The following ACSM3 variants were observed in gnomAD, a reference collection of about 807,000 sequenced individuals.
ACSM3 encodes the protein acyl-CoA synthetase medium chain family member 3.
Under a neutral mutation model 74.1 loss-of-function variants are expected in ACSM3, and 61 were observed. The observed-to-expected ratio is 0.82, with a 90% CI of 0.67 to 1.02. The LOEUF (loss-of-function observed/expected upper bound fraction) is 1.02, where lower values mean the gene tolerates loss of function less well. Among genes scored for constraint, ACSM3 ranks in the 50% least tolerant of loss-of-function variants. The pLI, the probability that ACSM3 is intolerant of heterozygous loss-of-function variation, is 0.00. For synonymous variants in ACSM3, 213 were observed against 241.5 expected, an observed-to-expected ratio of 0.88 and a Z score of 1.09; for missense variants, 660 against 697.0, an observed-to-expected ratio of 0.95 and a Z score of 0.60.
Position 20,786,095 on chromosome 16 carries a change from T to C in ACSM3, c.1161T>C (p.Asn387=), listed in dbSNP as rs2080468914. The change falls in exon 9 of 14, where the codon AAT becomes AAC. Residue 387 remains asparagine, a synonymous_variant. Coordinates refer to ENST00000289416, the MANE Select transcript of ACSM3 (RefSeq NM_005622.4). ...GQTETVLICG[N]FKGMKIKPGS... ...TTAACTAGGTGCTAATCTGTGGAAA[T>C]TTTAAGGGAATGAAAATTAAACCTG... 1.3e-6 allele frequency: 2 copies of C among 1,596,552 alleles called. No homozygotes were observed.
chr16:20,680,948 G>A (rs971095970), intron 1 of ACSM3: 1 of 152,156 alleles, frequency 6.6e-6, no homozygotes, highest in Non-Finnish European at 1.5e-5. Context: ...AACTCTTATG[G>A]TATCCAGTTG....
intron 1 of ACSM3, among the ~76,000 whole-genome samples, chr16:20,741,267 T>C (rs2079917613): frequency 2.0e-5 from 3 of 152,070 alleles, no homozygotes; most frequent in Admixed American, 2.0e-4. Flanking sequence ...ATAAAAGTAA[T>C]GGGAGCTACC....
At chr16:20,719,820 T>C (rs952424770) in intron 1 of ACSM3, among the ~76,000 whole-genome samples, 21 of 152,182 alleles carry the variant, frequency 1.4e-4, no homozygotes, top group African/African-American at 5.1e-4. Context: ...CTCTTACTCT[T>C]CCCCAAGTTG....
At chr16:20,714,206 G>A (rs894565097) in intron 1 of ACSM3, among the ~76,000 whole-genome samples, 31 of 122,334 alleles carry the variant, frequency 2.5e-4, no homozygotes, top group Non-Finnish European at 1.9e-5. Flanking sequence ...AAGATATGGA[G>A]GCAAAAAAAA....
At chr16:20,781,403 T>C (rs1011847462) in intron 6 of ACSM3, among the ~76,000 whole-genome samples, 1 of 152,068 alleles carries the variant, frequency 6.6e-6, no homozygotes, top group Non-Finnish European at 1.5e-5. Flanking sequence ...AAATAAAAAA[T>C]ACCATGTAAC....
intron 1 of ACSM3, among the ~76,000 whole-genome samples, chr16:20,733,506 T>A (rs1032054558): frequency 1.3e-5 from 2 of 152,062 alleles, no homozygotes; most frequent in African/African-American, 4.8e-5. Flanking sequence ...GATTTAGAAG[T>A]ATTAATTATT....
chr16:20,737,663 T>C, intron 1 of ACSM3: 1 of 1,552,956 alleles, frequency 6.4e-7, no homozygotes, highest in Non-Finnish European at 8.7e-7. Flanking sequence ...AAAAAACAAG[T>C]ATTTACCATT....
In ACSM3 at chr16:20,792,296, G is replaced by A. The variant is rs2080619675; in HGVS notation, c.1515G>A (p.Glu505=). ...TGAATGAACACCCTTCAGTTGCAGAGTCAGCTGTTGTCAGCAGCCCAGACC... is the reference window on the plus strand; with the variant it reads ...TGAATGAACACCCTTCAGTTGCAGAATCAGCTGTTGTCAGCAGCCCAGACC... The part of the protein sequence containing the change: ...NALNEHPSVA[E]SAVVSSPDPI... Residue 505 remains glutamate, a synonymous_variant, in exon 12 of 14, where the codon GAG becomes GAA. Transcript: ENST00000289416. 1.2e-6 allele frequency: 2 copies of A among 1,613,978 alleles called. No homozygotes were observed. The highest frequency in any genetic ancestry group is 1.7e-6 in the Non-Finnish European group (2 of 1,179,962).
In ACSM3 at chr16:20,775,864, C is replaced by T. The variant is rs1194636516; in HGVS notation, c.245C>T (p.Ala82Val). 6.2e-7 allele frequency: 1 copy of T among 1,614,152 alleles called. No individual in the cohort carries two copies. Among genetic ancestry groups the T allele is most frequent in the Non-Finnish European group, 8.5e-7 (1 of 1,180,026 alleles). ...GCTGGAAAGAAACCTTCAAATCCAGCCTTCTGGTGGATCAACAGAAATGGA... is the reference window on the plus strand; with the variant it reads ...GCTGGAAAGAAACCTTCAAATCCAGTCTTCTGGTGGATCAACAGAAATGGA... ...EKAGKKPSNP[A>V]FWWINRNGEE... is the part of the protein sequence containing the mutation. The change falls in exon 3 of 14, where the codon GCC (alanine) becomes GTC (valine). Residue 82 changes from alanine (A) to valine (V), a missense_variant. Physicochemically the swap from Ala to Val is moderately conservative, Grantham distance 64. Coordinates refer to ENST00000289416, the MANE Select transcript of ACSM3 (RefSeq NM_005622.4).
intron 1 of ACSM3, chr16:20,682,061 C>A: frequency 1.8e-6 from 1 of 552,530 alleles, no homozygotes; most frequent in Admixed American, 3.1e-5. Flanking sequence ...CACAGATCTC[C>A]CCTCTCACCC....
At chr16:20,795,286 T>C (rs1365376839) in intron 12 of ACSM3, among the ~76,000 whole-genome samples, 1 of 152,186 alleles carries the variant, frequency 6.6e-6, no homozygotes, top group Non-Finnish European at 1.5e-5. Context: ...CTCCCAAATG[T>C]TGGCAGTACA....
At chr16:20,676,046 A>G (rs2020256785) in intron 1 of ACSM3, 1 of 152,270 alleles carries the variant, frequency 6.6e-6, no homozygotes, top group Non-Finnish European at 1.5e-5. Flanking sequence ...TCCTCCCTAC[A>G]TTCCAATCTA....
chr16:20,777,531 G>T lies in ACSM3; in HGVS notation c.589G>T (p.Val197Leu). 1 of 1,614,098 alleles carries T rather than the reference G, an allele frequency of 6.2e-7. No homozygotes were observed. Among genetic ancestry groups the T allele is most frequent in the Non-Finnish European group, 8.5e-7 (1 of 1,180,000 alleles). The change falls in exon 4 of 14, where the codon GTA becomes TTA. Residue 197 changes from valine to leucine, a missense_variant. Transcript: ENST00000289416. ...TGAAAATCTGCACTCCAAGCTGATT[G>T]TATCAGAGAACTCCAGAGAGGGGTG... ...KCENLHSKLI[V>L]SENSREGWGN...
chr16:20,732,165 C>A (rs2079834603), intron 1 of ACSM3, among the ~76,000 whole-genome samples: 1 of 152,156 alleles, frequency 6.6e-6, no homozygotes, highest in African/African-American at 2.4e-5. Context: ...ACCATGAAAT[C>A]TTTCCTGAAA....
chr16:20,765,849 T>TGTTA (rs1236338022), intron 1 of ACSM3, among the ~76,000 whole-genome samples: 1 of 152,200 alleles, frequency 6.6e-6, no homozygotes, highest in Non-Finnish European at 1.5e-5. Context: ...TCAGCAAAAA[T>TGTTA]GTTACGTCCC....
Position 20,686,978 on chromosome 16 carries a change from ATTTT to A in ACSM3, c.-190+12171_-190+12174del, listed in dbSNP as rs34041438. On this transcript the variant is annotated intron_variant, in intron 1 of 3. Coordinates refer to the ACSM3 transcript ENST00000561584. ...ACTCAAAATGGTAGAAAATTTTGTG[ATTTT>A]TTTTTTTTTTTTTTGGTCACCATTG... Among the ~76,000 whole-genome samples the A allele has an allele frequency of 2.9e-3, 392 of 135,958 alleles. 6 individuals carry two copies. In the East Asian group the frequency reaches 0.05, roughly 17 times the overall value. The allele number at this position is 135,958 out of a possible 152,430, so 89.2% of individuals were successfully genotyped here. A position where few individuals can be genotyped will look rare whatever the true frequency, so the allele number is the denominator to read the frequency against.
At chr16:20,707,316 T>G (rs1341001843) in intron 1 of ACSM3, among the ~76,000 whole-genome samples, 1 of 152,162 alleles carries the variant, frequency 6.6e-6, no homozygotes, top group Non-Finnish European at 1.5e-5. Context: ...TGAATATTTC[T>G]GTCTCAGTTG....
At chr16:20,737,850 A>T in intron 1 of ACSM3, 1 of 1,613,964 alleles carries the variant, frequency 6.2e-7, no homozygotes, top group Non-Finnish European at 8.5e-7. Context: ...CTTCTAAAAA[A>T]GCCTTGCATG....
At chr16:20,682,437 G>A (rs763597029) in intron 1 of ACSM3, 2 of 1,613,712 alleles carry the variant, frequency 1.2e-6, no homozygotes, top group Admixed American at 3.3e-5. Context: ...GCCTTCAACA[G>A]GATGGTCGCA....
Sources: allele counts gnomAD v4.1 joint callset (sites outside exome capture counted in the v4.1 genomes callset), GRCh38; gene constraint gnomAD v4.1.1; transcripts MANE v1.5; gene names NCBI Gene and HGNC (gene_info 2026-07-23, HGNC 2026-07-21).